Variants in CDYL observed in about 807,000 individuals in gnomAD.
CDYL encodes the protein chromodomain Y-like protein.
CDYL carries 8 observed loss-of-function variants against 47.3 expected under a neutral mutation model. That is an observed-to-expected ratio of 0.17 (90% confidence interval 0.10 to 0.31). CDYL has a LOEUF of 0.31. Among genes scored for constraint, CDYL ranks in the 10% least tolerant of loss-of-function variants. The pLI, the probability that CDYL is intolerant of heterozygous loss-of-function variation, is 1.00. For synonymous variants in CDYL, 266 were observed against 265.0 expected (o/e 1.00, Z -0.04); for missense variants, 471 against 701.4 (o/e 0.67, Z 3.71).
chr6:4,863,493 T>C (rs1761233366), intron 1 of CDYL, among the ~76,000 whole-genome samples: 1 of 152,248 alleles, frequency 6.6e-6, no homozygotes, highest in African/African-American at 2.4e-5. Context: ...AAAAGAATGA[T>C]CCTTCCAAAG....
chr6:4,908,645 A>G (rs1011873741), intron 2 of CDYL, among the ~76,000 whole-genome samples: 1 of 152,186 alleles, frequency 6.6e-6, no homozygotes, highest in Admixed American at 6.5e-5. Context: ...TTACAAGATC[A>G]TACGTCACCT....
intron 3 of CDYL, among the ~76,000 whole-genome samples, chr6:4,765,983 T>C (rs183742923): frequency 2.0e-5 from 3 of 152,134 alleles, no homozygotes; most frequent in Admixed American, 1.3e-4. Flanking sequence ...AAGCTCAAAA[T>C]TGGTATTTTC....
chr6:4,857,409 T>G (rs972131778), intron 1 of CDYL, among the ~76,000 whole-genome samples: 1 of 152,220 alleles, frequency 6.6e-6, no homozygotes, highest in Non-Finnish European at 1.5e-5. Context: ...CAAATGTTGC[T>G]CTAGGGGAGG....
chr6:4,858,361 A>G (rs1335945860), intron 1 of CDYL, among the ~76,000 whole-genome samples: 2 of 152,244 alleles, frequency 1.3e-5, no homozygotes, highest in African/African-American at 2.4e-5. Flanking sequence ...ATAATGGCGA[A>G]CACAAACACA....
At chr6:4,952,490 A>T in intron 6 of CDYL, 81 bp downstream of exon 6, 1 of 1,478,372 alleles carries the variant, frequency 6.8e-7, no homozygotes, top group Non-Finnish European at 9.2e-7. Flanking sequence ...ATTTGCAATT[A>T]TTCCTAAGTC....
intron 1 of CDYL, among the ~76,000 whole-genome samples, chr6:4,787,804 G>T (rs1173486641): frequency 8.6e-6 from 1 of 116,696 alleles, no homozygotes. Context: ...ACAGAGTCTC[G>T]CTCTGTTGCC....
chr6:4,918,503 G>C (rs7738275), intron 2 of CDYL, among the ~76,000 whole-genome samples: 127,986 of 152,132 alleles, frequency 0.84, 54,008 homozygotes, highest in Admixed American at 0.89. Flanking sequence ...CACCTGTCTT[G>C]TTTAATTTGC....
At chr6:4,794,537 CAG>C (rs926039545) in intron 1 of CDYL, among the ~76,000 whole-genome samples, 5 of 151,968 alleles carry the variant, frequency 3.3e-5, no homozygotes, top group African/African-American at 1.2e-4. Context: ...TGCTTAAAGA[CAG>C]AGGAATGATG....
chr6:4,888,769 A>T (rs996211868), intron 1 of CDYL, among the ~76,000 whole-genome samples: 4 of 152,158 alleles, frequency 2.6e-5, no homozygotes, highest in Admixed American at 2.0e-4. Flanking sequence ...TTTCCCTCCC[A>T]TCACTGCTTT....
chr6:4,822,136 TTTTTC>T (rs1274671291), intron 1 of CDYL, among the ~76,000 whole-genome samples: 5 of 151,186 alleles, frequency 3.3e-5, no homozygotes, highest in African/African-American at 1.2e-4. Context: ...GCCTGGCAAA[TTTTTC>T]TTTTCTTTAT....
intron 1 of CDYL, among the ~76,000 whole-genome samples, chr6:4,791,033 A>G (rs149055603): frequency 9.2e-5 from 14 of 152,370 alleles, no homozygotes; most frequent in African/African-American, 3.4e-4. Flanking sequence ...TGATGATTTA[A>G]TATCTGTTAT....
chr6:4,868,684 C>T (rs999416599), intron 1 of CDYL, among the ~76,000 whole-genome samples: 3 of 152,038 alleles, frequency 2.0e-5, no homozygotes, highest in African/African-American at 7.2e-5. Context: ...ATATCATTGC[C>T]GATTTTCTGT....
At chr6:4,847,524 A>T (rs1760698158) in intron 1 of CDYL, among the ~76,000 whole-genome samples, 3 of 152,182 alleles carry the variant, frequency 2.0e-5, no homozygotes, top group Non-Finnish European at 4.4e-5. Flanking sequence ...TGAAACTTGT[A>T]GTTACTGTTG....
intron 1 of CDYL, among the ~76,000 whole-genome samples, chr6:4,850,716 A>G (rs1288761942): frequency 6.6e-6 from 1 of 152,238 alleles, no homozygotes; most frequent in Non-Finnish European, 1.5e-5. Flanking sequence ...AAAGCCACGC[A>G]CTAGAATTTG....
At chr6:4,781,347 G>A (rs1432474478) in intron 1 of CDYL, among the ~76,000 whole-genome samples, 2 of 152,142 alleles carry the variant, frequency 1.3e-5, no homozygotes, top group Non-Finnish European at 2.9e-5. Flanking sequence ...ACAGAGACCA[G>A]GACACCTTTC....
chr6:4,848,386 T>A (rs1760723592), intron 1 of CDYL, among the ~76,000 whole-genome samples: 1 of 152,174 alleles, frequency 6.6e-6, no homozygotes, highest in African/African-American at 2.4e-5. Context: ...TTGTCAGAAT[T>A]ACCTATTATG....
intron 1 of CDYL, among the ~76,000 whole-genome samples, chr6:4,857,952 G>A (rs1384295416): frequency 6.6e-6 from 1 of 152,134 alleles, no homozygotes; most frequent in Non-Finnish European, 1.5e-5. Flanking sequence ...ACGTGGATTT[G>A]CCAAGTTGGA....
chr6:4,884,511 G>T (rs1257320802), intron 1 of CDYL, among the ~76,000 whole-genome samples: 1 of 152,214 alleles, frequency 6.6e-6, no homozygotes, highest in African/African-American at 2.4e-5. Flanking sequence ...TACAAGGAGT[G>T]GGTCTTGTTG....
chr6:4,919,988 G>A (rs1244020891), intron 2 of CDYL, among the ~76,000 whole-genome samples: 1 of 152,106 alleles, frequency 6.6e-6, no homozygotes, highest in Non-Finnish European at 1.5e-5. Flanking sequence ...ACAAAATGTG[G>A]CCTATCCGCA....
Sources: allele counts gnomAD v4.1 joint callset (sites outside exome capture counted in the v4.1 genomes callset), GRCh38; gene constraint gnomAD v4.1.1; transcripts MANE v1.5; gene names NCBI Gene and HGNC (gene_info 2026-07-23, HGNC 2026-07-21).